The following SNX25 variants were observed in gnomAD, a reference collection of about 807,000 sequenced individuals.
SNX25 encodes the protein sorting nexin 25.
In SNX25, 62 loss-of-function variants were observed where a neutral mutation model predicts 113.7. The observed-to-expected ratio is 0.55, with a 90% confidence interval of 0.44 to 0.67. The LOEUF (loss-of-function observed/expected upper bound fraction) is 0.67, where lower values mean the gene tolerates loss of function less well. SNX25 is among the 30% of genes least tolerant of loss of function. The pLI, the probability that SNX25 is intolerant of heterozygous loss-of-function variation, is 0.00. For missense variants in SNX25, 1,014 were observed against 1,161.0 expected (o/e 0.87, Z 1.84); for synonymous variants, 421 against 436.2 (o/e 0.97, Z 0.43).
intron 10 of SNX25, among the ~76,000 whole-genome samples, chr4:185,337,246 T>G (rs1040694649): frequency 6.6e-6 from 1 of 152,190 alleles, no homozygotes; most frequent in Non-Finnish European, 1.5e-5. Flanking sequence ...CCTCCCCATT[T>G]TCCCCTCCCT....
chr4:185,367,111 T>C, downstream of SNX25: 1 of 1,301,520 alleles, frequency 7.7e-7, no homozygotes, highest in Non-Finnish European at 1.1e-6. Flanking sequence ...TAACCAAACA[T>C]AGCTACTGTA....
chr4:185,368,834 C>T (rs994864945), downstream of SNX25, among the ~76,000 whole-genome samples: 2 of 144,054 alleles, frequency 1.4e-5, no homozygotes, highest in Admixed American at 7.0e-5. Flanking sequence ...CACTGTGTTG[C>T]CCAGGCTGGA....
At chr4:185,239,458 G>A (rs913116100) in intron 1 of SNX25, among the ~76,000 whole-genome samples, 1 of 129,082 alleles carries the variant, frequency 7.7e-6, no homozygotes, top group Non-Finnish European at 1.8e-5. Flanking sequence ...ACTCCAGCCT[G>A]GCAACAGAGT....
intron 5 of SNX25, 107 bp from the exon 6 acceptor site, chr4:185,287,905 A>G (rs1027172289): frequency 1.1e-5 from 10 of 897,652 alleles, no homozygotes; most frequent in Non-Finnish European, 1.7e-5. Context: ...GGCAGGATTC[A>G]CAGCTCCTGT....
chr4:185,235,231 ACAGAAGCTT>A (rs1742438457), intron 1 of SNX25, among the ~76,000 whole-genome samples: 2 of 152,248 alleles, frequency 1.3e-5, no homozygotes, highest in African/African-American at 4.8e-5. Context: ...GTAATAAGCT[ACAGAAGCTT>A]CTGATCTAAT....
intron 5 of SNX25, among the ~76,000 whole-genome samples, chr4:185,272,429 A>G (rs113550296): frequency 0.019 from 2,873 of 152,328 alleles, 89 homozygotes; most frequent in African/African-American, 0.057. Flanking sequence ...ATGCGCGGAC[A>G]GCTTGTGGCC....
intron 6 of SNX25, among the ~76,000 whole-genome samples, chr4:185,300,115 T>A (rs188221954): frequency 6.6e-6 from 1 of 152,324 alleles, no homozygotes; most frequent in Admixed American, 6.5e-5. Context: ...CACAAACACA[T>A]AGACACTGTT....
intron 11 of SNX25, 135 bp from the exon 12 acceptor site, chr4:185,341,841 A>T: frequency 2.4e-6 from 2 of 820,852 alleles, no homozygotes; most frequent in Non-Finnish European, 3.5e-6. Context: ...TAAAATCTAT[A>T]ATATTCACAG....
intron 6 of SNX25, among the ~76,000 whole-genome samples, chr4:185,304,132 A>G (rs1314392865): frequency 6.6e-6 from 1 of 152,182 alleles, no homozygotes; most frequent in Non-Finnish European, 1.5e-5. Context: ...AAGAGGATTT[A>G]GTAAAACTTC....
rs921716494 is a variant in SNX25, at chr4:185,248,797, A to G, written c.514+1419A>G. Among the ~76,000 whole-genome samples, 2 of 152,192 alleles carry G rather than the reference A, an allele frequency of 1.3e-5. 1 individual carries two copies. The highest frequency in any genetic ancestry group is 1.3e-4 in the Admixed American group (2 of 15,282). ...AACCACCTCATTCAAAATAGAGAACATTTCCATCATTCTAGAAAATCTGCC... is the reference window on the plus strand; with the variant it reads ...AACCACCTCATTCAAAATAGAGAACGTTTCCATCATTCTAGAAAATCTGCC... On this transcript the variant is annotated intron_variant, in intron 2 of 18. Transcript: ENST00000652585.
intron 5 of SNX25, among the ~76,000 whole-genome samples, chr4:185,270,687 T>A (rs1748798459): frequency 6.6e-6 from 1 of 152,202 alleles, no homozygotes; most frequent in Admixed American, 6.5e-5. Context: ...TCCCCATTCC[T>A]TCCCTCCCTC....
At chr4:185,292,156 A>T (rs1359433169) in intron 6 of SNX25, among the ~76,000 whole-genome samples, 1 of 152,202 alleles carries the variant, frequency 6.6e-6, no homozygotes, top group East Asian at 1.9e-4. Context: ...AAAGTAGACT[A>T]GCTGGAACTG....
At chr4:185,269,676 A>G (rs549747815) in intron 5 of SNX25, among the ~76,000 whole-genome samples, 2 of 152,282 alleles carry the variant, frequency 1.3e-5, no homozygotes, top group Admixed American at 6.5e-5. Context: ...AGCACTGCAC[A>G]TAGGGATGTA....
At chr4:185,314,866 A>G (rs2095058919) in intron 7 of SNX25, among the ~76,000 whole-genome samples, 1 of 150,902 alleles carries the variant, frequency 6.6e-6, no homozygotes, top group Admixed American at 6.6e-5. Flanking sequence ...CAAAAAAAAA[A>G]AAAAAAAAGA....
At chr4:185,333,947 G>T (rs1462546954) in intron 10 of SNX25, among the ~76,000 whole-genome samples, 4 of 151,322 alleles carry the variant, frequency 2.6e-5, no homozygotes, top group Non-Finnish European at 5.9e-5. Flanking sequence ...TACTAGGTAG[G>T]CTGAGAAAGG....
chr4:185,240,321 C>T (rs35676519), intron 1 of SNX25, among the ~76,000 whole-genome samples: 223 of 151,982 alleles, frequency 1.5e-3, no homozygotes, highest in Middle Eastern at 3.4e-3. Context: ...CAGAGGGGCT[C>T]CTCACTTCCC....
intron 1 of SNX25, among the ~76,000 whole-genome samples, chr4:185,239,698 C>CT (rs940816817): frequency 4.5e-4 from 54 of 119,874 alleles, no homozygotes; most frequent in Admixed American, 1.4e-3. Flanking sequence ...GCTTTGCTTT[C>CT]TTTTTTTTTG....
chr4:185,231,603 C>T (rs949561212), intron 1 of SNX25, among the ~76,000 whole-genome samples: 5 of 151,104 alleles, frequency 3.3e-5, no homozygotes, highest in African/African-American at 7.3e-5. Context: ...CCCAGCTACT[C>T]GGGAGGCTGA....
intron 16 of SNX25, among the ~76,000 whole-genome samples, chr4:185,358,839 A>G (rs1334561326): frequency 6.6e-6 from 1 of 152,246 alleles, no homozygotes; most frequent in Non-Finnish European, 1.5e-5. Context: ...TTTATATAAC[A>G]AAATAAGTTT....
Sources: gnomAD v4.1 joint callset for allele counts (sites outside exome capture counted in the v4.1 genomes callset) on GRCh38, gnomAD v4.1.1 for gene constraint, MANE v1.5 for transcripts, NCBI Gene and HGNC (gene_info 2026-07-23, HGNC 2026-07-21) for gene names.